Variants in NT5DC1 observed in about 807,000 individuals in gnomAD.
The protein encoded by NT5DC1 is 5'-nucleotidase domain containing 1.
NT5DC1 carries 42 observed loss-of-function variants against 59.4 expected under a neutral mutation model. The ratio of observed to expected loss-of-function variants is 0.71; its 90% CI spans 0.55 to 0.92. The LOEUF (loss-of-function observed/expected upper bound fraction) is 0.92. NT5DC1 is among the 40% of genes least tolerant of loss of function. The probability of loss-of-function intolerance (pLI) is 0.00; values close to 1 mark genes in which losing one functional copy is unlikely to be tolerated. For missense variants in NT5DC1, 501 were observed against 537.1 expected (o/e 0.93, Z 0.66); for synonymous variants, 172 against 188.1 (o/e 0.91, Z 0.70).
chr6:116,219,983 AAC>A (rs558556683), intron 6 of NT5DC1, among the ~76,000 whole-genome samples: 9,882 of 132,364 alleles, frequency 0.075, 1,700 homozygotes, highest in African/African-American at 0.22. Flanking sequence ...AAAAAAAAAA[AAC>A]AACTCTTCTT....
intron 6 of NT5DC1, among the ~76,000 whole-genome samples, chr6:116,176,406 C>G (rs1780735252): frequency 6.6e-6 from 1 of 152,186 alleles, no homozygotes; most frequent in Non-Finnish European, 1.5e-5. Flanking sequence ...GGCTCAGTCT[C>G]AGCCTTAGAG....
In NT5DC1 at chr6:116,120,755, A is replaced by G. The variant is rs148931670; in HGVS notation, c.529+2810A>G. 3.5e-5 allele frequency: 56 copies of G among 1,607,666 alleles called. No homozygotes were observed. Among genetic ancestry groups the G allele is most frequent in the African/African-American group, 5.4e-5 (4 of 74,476 alleles). On this transcript the variant is annotated intron_variant, in intron 6 of 11. Transcript: ENST00000319550. ...GAATCCTGGAATGCCTGGTGGCCCA[A>G]TAGGGCCTCTAGTACCTGGTATTCC...
At chr6:116,198,393 G>A (rs1443310996) in intron 6 of NT5DC1, among the ~76,000 whole-genome samples, 1 of 151,972 alleles carries the variant, frequency 6.6e-6, no homozygotes, top group East Asian at 1.9e-4. Flanking sequence ...GACTCAAGCA[G>A]CTTGTTTAAA....
chr6:116,223,074 G>T lies in NT5DC1; in HGVS notation c.745G>T (p.Ala249Ser). 6.2e-7 allele frequency: 1 copy of T among 1,607,158 alleles called. No individual in the cohort carries two copies. The highest frequency in any genetic ancestry group is 8.5e-7 in the Non-Finnish European group (1 of 1,174,114). The stretch of plus-strand genomic sequence containing the variant: ...CCTTTTTGACATTGTGATTACAAAT[G>T]CATTGAAGCCTGGTTTCTTCTCCCA... ...TDLFDIVITN[A>S]LKPGFFSHLP... The change falls in exon 8 of 12, where the codon GCA becomes TCA. Residue 249 changes from alanine to serine, a missense_variant. Ala to Ser is a moderately conservative substitution (Grantham distance 99). Transcript: ENST00000319550.
chr6:116,118,161 T>G (rs1779005866), intron 6 of NT5DC1: 2 of 556,354 alleles, frequency 3.6e-6, no homozygotes, highest in South Asian at 3.8e-5. Flanking sequence ...GCTGTGCTGT[T>G]ACACTCTCCT....
chr6:116,217,594 A>G (rs995683357), intron 6 of NT5DC1, among the ~76,000 whole-genome samples: 3 of 152,102 alleles, frequency 2.0e-5, no homozygotes, highest in Admixed American at 6.6e-5. Context: ...GACTTTTTTC[A>G]TAGGCTGCCT....
intron 6 of NT5DC1, among the ~76,000 whole-genome samples, chr6:116,127,613 C>T (rs1028767968): frequency 6.6e-6 from 1 of 152,002 alleles, no homozygotes; most frequent in Non-Finnish European, 1.5e-5. Flanking sequence ...TGGCTTATGG[C>T]CCATTTGGAC....
At chr6:116,158,006 C>G (rs1457210447) in intron 6 of NT5DC1, among the ~76,000 whole-genome samples, 1 of 152,188 alleles carries the variant, frequency 6.6e-6, no homozygotes, top group Non-Finnish European at 1.5e-5. Context: ...GTTTTTTCCT[C>G]TGATCATTTG....
At chr6:116,227,785 C>T (rs1032620946) in intron 8 of NT5DC1, among the ~76,000 whole-genome samples, 2 of 152,084 alleles carry the variant, frequency 1.3e-5, no homozygotes, top group Non-Finnish European at 2.9e-5. Context: ...TATTCAGGTC[C>T]TTTGCTCATT....
chr6:116,203,485 T>G (rs983693689), intron 6 of NT5DC1, among the ~76,000 whole-genome samples: 8 of 151,950 alleles, frequency 5.3e-5, no homozygotes, highest in Non-Finnish European at 1.2e-4. Flanking sequence ...TTTTCCTGCA[T>G]CTAGTGGCTC....
chr6:116,112,135 T>C (rs979053495), intron 4 of NT5DC1, among the ~76,000 whole-genome samples: 1 of 152,208 alleles, frequency 6.6e-6, no homozygotes, highest in African/African-American at 2.4e-5. Context: ...TTGGAATCAG[T>C]AGCTTCATCT....
chr6:116,219,976 A>AC (rs1781763489), intron 6 of NT5DC1, among the ~76,000 whole-genome samples: 1 of 149,498 alleles, frequency 6.7e-6, no homozygotes, highest in Non-Finnish European at 1.5e-5. Context: ...AAAAAAAAAA[A>AC]AAAAAAAACA....
rs769668262 is a variant in NT5DC1 at position 116,110,868 on chromosome 6, G to A, written c.276G>A (p.Lys92=). Residue 92 remains lysine, a synonymous_variant, in exon 4 of 12, where the codon AAG becomes AAA. Coordinates refer to ENST00000319550, the MANE Select transcript of NT5DC1 (RefSeq NM_152729.3). ...GTVLRASHGT[K]MMTPEVLAEA... ...AAATCAGGGCAAGCCATGGCACCAAGATGATGACTCCAGAGGTGCTGGCAG... is the reference window on the plus strand; with the variant it reads ...AAATCAGGGCAAGCCATGGCACCAAAATGATGACTCCAGAGGTGCTGGCAG... 3 of 1,613,892 alleles carry A rather than the reference G, an allele frequency of 1.9e-6. No individual in the cohort carries two copies. The East Asian group carries it at 6.7e-5, about 36-fold the overall frequency.
chr6:116,220,936 C>T (rs1281952955), intron 6 of NT5DC1, 118 bp from the exon 7 acceptor site: 2 of 594,510 alleles, frequency 3.4e-6, no homozygotes, highest in Non-Finnish European at 6.0e-6. Context: ...GTCGGTCAAA[C>T]CTTGTTCTTA....
Position 116,238,993 on chromosome 6 carries a change from A to T in NT5DC1, c.1122A>T (p.Lys374Asn). The change falls in exon 11 of 12, where the codon AAA (lysine) becomes AAT (asparagine). Residue 374 changes from lysine to asparagine, a missense_variant. By Grantham distance (94) the Lys-to-Asn change is moderately conservative. Transcript: ENST00000319550. Reference sequence around the variant, plus strand: ...AACCTTTAAATACTTCATCTAAAAAATGGGGCTCTTTTTTTATTGATTCAG... The same window carrying T: ...AACCTTTAAATACTTCATCTAAAAATTGGGGCTCTTTTTTTATTGATTCAG... ...KAKPLNTSSK[K>N]WGSFFIDSVL... The T allele has an allele frequency of 6.2e-7, 1 of 1,608,118 alleles. No individual in the cohort carries two copies. Among genetic ancestry groups the T allele is most frequent in the East Asian group, 2.2e-5 (1 of 44,784 alleles).
At chr6:116,104,004 C>T (rs1778715536) in intron 1 of NT5DC1, among the ~76,000 whole-genome samples, 1 of 152,106 alleles carries the variant, frequency 6.6e-6, no homozygotes, top group African/African-American at 2.4e-5. Flanking sequence ...TGCATATGGA[C>T]CACAGGGTAC....
chr6:116,200,799 A>G (rs1456120774), intron 6 of NT5DC1, among the ~76,000 whole-genome samples: 1 of 152,006 alleles, frequency 6.6e-6, no homozygotes. Flanking sequence ...AGGATATCAC[A>G]TAACAGTTCT....
intron 6 of NT5DC1, among the ~76,000 whole-genome samples, chr6:116,216,125 T>C (rs896865361): frequency 6.6e-6 from 1 of 152,116 alleles, no homozygotes; most frequent in African/African-American, 2.4e-5. Context: ...GTAAACACTT[T>C]AAAGATCATC....
chr6:116,193,278 T>C (rs1781157753), intron 6 of NT5DC1, among the ~76,000 whole-genome samples: 1 of 152,094 alleles, frequency 6.6e-6, no homozygotes, highest in East Asian at 1.9e-4. Flanking sequence ...GGAGATATTG[T>C]GCTTTCCTTA....
Sources: allele counts gnomAD v4.1 joint callset (sites outside exome capture counted in the v4.1 genomes callset), GRCh38; gene constraint gnomAD v4.1.1; transcripts MANE v1.5; gene names NCBI Gene and HGNC (gene_info 2026-07-23, HGNC 2026-07-21).